PDE6A: variants seen among roughly 807,000 people sequenced by gnomAD.
The protein encoded by PDE6A is rod cGMP-specific 3',5'-cyclic phosphodiesterase subunit alpha.
A neutral mutation model predicts 106.3 loss-of-function variants in PDE6A; 84 were observed. The ratio of observed to expected loss-of-function variants is 0.79; its 90% confidence interval spans 0.66 to 0.95. The LOEUF is 0.95. PDE6A is among the 40% of genes least tolerant of loss of function. The pLI is 0.00. For synonymous variants in PDE6A, 394 were observed against 386.6 expected (o/e 1.02, Z -0.23); for missense variants, 1,052 against 1,084.9 (o/e 0.97, Z 0.43).
intron 5 of PDE6A, among the ~76,000 whole-genome samples, chr5:149,920,986 GAAAGAAAGAA>G (rs1753700485): frequency 1.5e-5 from 2 of 134,128 alleles, no homozygotes; most frequent in African/African-American, 7.5e-5. Flanking sequence ...AAGAAAGAAA[GAAAGAAAGAA>G]AAAGAAAGAA....
chr5:149,922,740 GA>G (rs1457604717), intron 4 of PDE6A, among the ~76,000 whole-genome samples: 1 of 152,126 alleles, frequency 6.6e-6, no homozygotes, highest in Non-Finnish European at 1.5e-5. Flanking sequence ...AAATAAGAAA[GA>G]AAAAAATGAT....
In PDE6A at chr5:149,898,511, A is replaced by G; in HGVS notation, c.1264-5T>C. 1.2e-6 allele frequency: 2 copies of G among 1,612,538 alleles called. No homozygotes were observed. Among genetic ancestry groups the G allele is most frequent in the Non-Finnish European group, 1.7e-6 (2 of 1,179,836 alleles). ...GCCCAGAAATTGAGTCAAAGACTGA[A>G]AAAGAAAGAAAGGAGGAATCAGAGA... is the stretch of plus-strand genomic sequence containing the variant. On this transcript the variant is annotated splice_polypyrimidine_tract_variant and splice_region_variant and intron_variant, in intron 9 of 21. Transcript: ENST00000255266.
At chr5:149,923,932 TATC>T (rs1753805879) in intron 4 of PDE6A, among the ~76,000 whole-genome samples, 2 of 152,202 alleles carry the variant, frequency 1.3e-5, no homozygotes, top group African/African-American at 4.8e-5. Flanking sequence ...CTTATTCTAA[TATC>T]ATCCAGAGAA....
Position 149,886,380 on chromosome 5 carries a change from A to T in PDE6A, c.1729-6T>A. 1 of 1,608,568 alleles carries T rather than the reference A, an allele frequency of 6.2e-7. No homozygotes were observed. The highest frequency in any genetic ancestry group is 8.5e-7 in the Non-Finnish European group (1 of 1,174,938). ...TAGCGCTTCAGCTTTCCCGTCTGGA[A>T]GGGCAATCAGAGTGCAAATCATTCC... On this transcript the variant is annotated splice_region_variant and splice_polypyrimidine_tract_variant and intron_variant, in intron 13 of 21. Transcript: ENST00000255266.
In PDE6A at chr5:149,929,609, AAAATAAAT is replaced by A. The variant is rs370987088; in HGVS notation, c.858+1411_858+1418del. Among the ~76,000 whole-genome samples, 536 of 145,392 alleles carry A rather than the reference AAAATAAAT, an allele frequency of 3.7e-3. 1 individual carries two copies. The highest frequency in any genetic ancestry group is 6.2e-3 in the African/African-American group (243 of 38,894). ...GTGACAGAGCGAGACTCCGTCTCAA[AAAATAAAT>A]AAATAAATAAATAAATAAATAAATA... On this transcript the variant is annotated intron_variant, in intron 4 of 21. Transcript: ENST00000255266.
intron 17 of PDE6A, among the ~76,000 whole-genome samples, chr5:149,869,101 G>A (rs1167421482): frequency 6.6e-6 from 1 of 152,186 alleles, no homozygotes; most frequent in Non-Finnish European, 1.5e-5. Context: ...AGGCTGAGGT[G>A]GGCGGATCAC....
At chr5:149,935,530 C>T (rs1754156614) in intron 1 of PDE6A, among the ~76,000 whole-genome samples, 1 of 152,070 alleles carries the variant, frequency 6.6e-6, no homozygotes, top group Non-Finnish European at 1.5e-5. Flanking sequence ...CAGGCCAGCT[C>T]AAAGAAAAAT....
Position 149,883,512 on chromosome 5 carries a change from G to T in PDE6A, c.2052C>A (p.Ile684=). The stretch of plus-strand genomic sequence containing the variant: ...TCTCATATGTCTTAGACTGATCCAC[G>T]ATCTTTTGGAACATCGTCCTCTTCC... ...YFKKRTMFQK[I]VDQSKTYESE... The change falls in exon 17 of 22, where the codon ATC becomes ATA. Residue 684 remains isoleucine (I), a synonymous_variant. Coordinates refer to ENST00000255266, the MANE Select transcript of PDE6A (RefSeq NM_000440.3). The T allele has an allele frequency of 6.2e-7, 1 of 1,612,802 alleles. No homozygotes were observed. Among genetic ancestry groups the T allele is most frequent in the Non-Finnish European group, 8.5e-7 (1 of 1,178,908 alleles).
intron 1 of PDE6A, among the ~76,000 whole-genome samples, chr5:149,936,183 A>AAGGAAGGAAGGAAGGAAGGC (rs1754178273): frequency 6.6e-6 from 1 of 151,558 alleles, no homozygotes; most frequent in Non-Finnish European, 1.5e-5. Flanking sequence ...GGAAGGAAGG[A>AAGGAAGGAAGGAAGGAAGGC]AGGAAGGAAG....
intron 17 of PDE6A, among the ~76,000 whole-genome samples, chr5:149,879,229 G>C (rs114176933): frequency 6.6e-6 from 1 of 151,560 alleles, no homozygotes; most frequent in Non-Finnish European, 1.5e-5. Context: ...CTGCTACCTC[G>C]CCTAGATAAT....
In PDE6A at chr5:149,927,507, G is replaced by A. The variant is rs1359880447; in HGVS notation, c.858+3521C>T. ...AGCTCACTGCAGATTCGGACTCCTG[G>A]TCTCAAGCGATTCTTCTACCGCAGC... On this transcript the variant is annotated intron_variant, in intron 4 of 21. Coordinates refer to ENST00000255266, the MANE Select transcript of PDE6A (RefSeq NM_000440.3). Among the ~76,000 whole-genome samples, 5 of 152,010 alleles carry A rather than the reference G, an allele frequency of 3.3e-5. No homozygotes were observed. The East Asian group carries it at 9.6e-4, about 29-fold the overall frequency.
At chr5:149,883,990 T>G (rs961359341) in intron 16 of PDE6A, among the ~76,000 whole-genome samples, 2 of 151,940 alleles carry the variant, frequency 1.3e-5, no homozygotes, top group Admixed American at 1.3e-4. Flanking sequence ...ACCAGGAGTT[T>G]TAGATCAGCC....
chr5:149,883,607 G>A, intron 16 of PDE6A, 71 bp from the exon 17 acceptor site: 5 of 1,018,458 alleles, frequency 4.9e-6, no homozygotes, highest in Admixed American at 1.9e-5. Context: ...GCTAACATTG[G>A]CTGATTCAGA....
chr5:149,943,031 C>T (rs1293318146), intron 1 of PDE6A, among the ~76,000 whole-genome samples: 2 of 151,798 alleles, frequency 1.3e-5, no homozygotes, highest in Non-Finnish European at 2.9e-5. Context: ...TCCTCCTCAG[C>T]ATAGACCCTT....
intron 5 of PDE6A, among the ~76,000 whole-genome samples, chr5:149,920,739 A>C (rs1753679112): frequency 6.6e-6 from 1 of 151,974 alleles, no homozygotes; most frequent in Non-Finnish European, 1.5e-5. Flanking sequence ...GAATTCAGGT[A>C]TTTATGGAAA....
At chr5:149,938,372 C>T (rs567196103) in intron 1 of PDE6A, among the ~76,000 whole-genome samples, 1 of 152,164 alleles carries the variant, frequency 6.6e-6, no homozygotes, top group African/African-American at 2.4e-5. Context: ...AGAGGGTCTA[C>T]AAATGACGGT....
At chr5:149,877,036 TAGAA>T (rs1294983544) in intron 17 of PDE6A, among the ~76,000 whole-genome samples, 4 of 152,148 alleles carry the variant, frequency 2.6e-5, no homozygotes, top group Admixed American at 6.5e-5. Flanking sequence ...AGACAGATGA[TAGAA>T]AGAAGACAGT....
chr5:149,909,370 C>T (rs1753302163), intron 6 of PDE6A, among the ~76,000 whole-genome samples: 1 of 152,208 alleles, frequency 6.6e-6, no homozygotes, highest in African/African-American at 2.4e-5. Flanking sequence ...GGCAAGGCTG[C>T]TTTGAGCTGG....
At chr5:149,929,046 T>C (rs1191519178) in intron 4 of PDE6A, among the ~76,000 whole-genome samples, 1 of 152,186 alleles carries the variant, frequency 6.6e-6, no homozygotes, top group South Asian at 2.1e-4. Context: ...GGGTATAAAA[T>C]GGTACAATCA....
Sources: allele counts gnomAD v4.1 joint callset (sites outside exome capture counted in the v4.1 genomes callset), GRCh38; gene constraint gnomAD v4.1.1; transcripts MANE v1.5; gene names NCBI Gene and HGNC (gene_info 2026-07-23, HGNC 2026-07-21).